The following PAN3 variants were observed in gnomAD, a reference collection of about 807,000 sequenced individuals.
PAN3 encodes PAN2-PAN3 deadenylation complex subunit PAN3.
A neutral mutation model predicts 96.2 loss-of-function variants in PAN3; 19 were observed. That is an observed-to-expected ratio of 0.20 (90% CI 0.14 to 0.29). The LOEUF (loss-of-function observed/expected upper bound fraction) is 0.29, where lower values mean the gene tolerates loss of function less well. Ranked by LOEUF, PAN3 falls within the 10% of genes least tolerant of loss-of-function variation. The pLI is 1.00. For missense variants in PAN3, 882 were observed against 1,108.1 expected, an observed-to-expected ratio of 0.80 and a Z score of 2.90; for synonymous variants, 433 against 406.6, an observed-to-expected ratio of 1.06 and a Z score of -0.78.
chr13:28,144,290 C>T (rs1484404576), intron 1 of PAN3, among the ~76,000 whole-genome samples: 1 of 146,582 alleles, frequency 6.8e-6, no homozygotes, highest in Non-Finnish European at 1.5e-5. Context: ...AGTCTCGGCT[C>T]ACTGCGAGCT....
intron 3 of PAN3, 73 bp from the exon 4 acceptor site, chr13:28,177,792 C>G (rs1875229705): frequency 8.2e-7 from 1 of 1,224,796 alleles, no homozygotes; most frequent in Non-Finnish European, 1.2e-6. Context: ...TAGGCATTGT[C>G]AAATTAAACA....
chr13:28,197,472 T>A lies in PAN3; in HGVS notation c.852+126T>A, dbSNP rs188886833. The A allele has an allele frequency of 1.5e-3, 1,302 of 890,468 alleles. 10 individuals are homozygous for A. In the African/African-American group the frequency reaches 0.019, roughly 13 times the overall value. 55.2% of individuals were successfully genotyped at this position (890,468 alleles called of 1,614,324 possible). On this transcript the variant is annotated intron_variant, in intron 5 of 18. Transcript: ENST00000380958. ...TGGTATACTTAGGTAATTAAAAAAA[T>A]TTTTAATCAGAATAAAGTTAGTGAC...
intron 3 of PAN3, among the ~76,000 whole-genome samples, chr13:28,177,141 A>G (rs923459500): frequency 6.6e-6 from 1 of 152,140 alleles, no homozygotes; most frequent in African/African-American, 2.4e-5. Context: ...AGAAATGAAG[A>G]TAAATATTTA....
At position 28,142,978 on chromosome 13, in the gene PAN3, G is replaced by T. The variant is rs77407339; in HGVS notation, c.430+3891G>T. The stretch of plus-strand genomic sequence containing the variant: ...GATAGTGTTAAAACCTTGGAGGTGG[G>T]TGCATGAGAAAACTTTATCTTTATT... On this transcript the variant is annotated intron_variant, in intron 1 of 18. Transcript: ENST00000380958. 8.4e-3 allele frequency among the ~76,000 whole-genome samples: 1,279 copies of T among 152,292 alleles called. 10 individuals are homozygous for T. The highest frequency in any genetic ancestry group is 0.031 in the East Asian group (161 of 5,186).
chr13:28,279,453 A>G (rs539796214), intron 15 of PAN3, among the ~76,000 whole-genome samples: 1 of 152,274 alleles, frequency 6.6e-6, no homozygotes, highest in Admixed American at 6.5e-5. Flanking sequence ...CTCTCAAAAA[A>G]GTTTCTAAAA....
rs557843059 is a variant in PAN3 at position 28,145,525 on chromosome 13, C to G, written c.430+6438C>G. 5.3e-5 allele frequency among the ~76,000 whole-genome samples: 8 copies of G among 152,152 alleles called. No individual in the cohort carries two copies. The South Asian group carries it at 1.7e-3, about 32-fold the overall frequency. On this transcript the variant is annotated intron_variant, in intron 1 of 18. Transcript: ENST00000380958. ...CCTTTTTAGTAGAGACAGGGTTTCA[C>G]CATGTTGGCCAGGCGGGTCTCAAAC...
chr13:28,148,290 T>C (rs1279472313), intron 1 of PAN3, among the ~76,000 whole-genome samples: 2 of 152,020 alleles, frequency 1.3e-5, no homozygotes, highest in Non-Finnish European at 2.9e-5. Flanking sequence ...TTTGTATATA[T>C]ATATTTTTTA....
intron 1 of PAN3, among the ~76,000 whole-genome samples, chr13:28,141,741 G>A (rs1869876680): frequency 6.6e-6 from 1 of 152,030 alleles, no homozygotes; most frequent in African/African-American, 2.4e-5. Context: ...ATTACTGGCG[G>A]GAGCCACCGC....
chr13:28,217,062 C>T (rs1481549587), intron 5 of PAN3, among the ~76,000 whole-genome samples: 3 of 150,326 alleles, frequency 2.0e-5, no homozygotes, highest in Non-Finnish European at 3.0e-5. Context: ...TGCAGTGAGC[C>T]GAGATCACGC....
intron 4 of PAN3, among the ~76,000 whole-genome samples, chr13:28,186,137 G>A: frequency 6.6e-6 from 1 of 152,080 alleles, no homozygotes; most frequent in East Asian, 1.9e-4. Context: ...TTTGAATGAA[G>A]TCTTTATCAG....
rs1885718288 is a variant in PAN3 at position 28,261,517 on chromosome 13, G to T, written c.1411+59G>T. 4.1e-6 allele frequency: 6 copies of T among 1,475,090 alleles called. No homozygotes were observed. The Admixed American group carries it at 5.3e-5, about 13-fold the overall frequency. The allele number at this position is 1,475,090 out of a possible 1,614,324, so 91.4% of individuals were successfully genotyped here. A position where few individuals can be genotyped will look rare whatever the true frequency, so the allele number is the denominator to read the frequency against. ...AGGCTGTTATAATTCTTACGTGGTA[G>T]TACATGTTTTATGCATTATTAAGAA... On this transcript the variant is annotated intron_variant, in intron 9 of 18. Transcript: ENST00000380958.
intron 6 of PAN3, among the ~76,000 whole-genome samples, chr13:28,221,496 T>C (rs1344454429): frequency 6.6e-6 from 1 of 152,156 alleles, no homozygotes; most frequent in East Asian, 1.9e-4. Context: ...TATATCTAAT[T>C]CAAGGACCTC....
intron 5 of PAN3, among the ~76,000 whole-genome samples, chr13:28,217,379 T>C (rs996577273): frequency 8.6e-5 from 13 of 152,040 alleles, no homozygotes; most frequent in Admixed American, 6.6e-5. Flanking sequence ...GCCAGGAGTT[T>C]GAGACCAACT....
At chr13:28,148,363 G>T (rs1277103842) in intron 1 of PAN3, among the ~76,000 whole-genome samples, 1 of 152,022 alleles carries the variant, frequency 6.6e-6, no homozygotes, top group Non-Finnish European at 1.5e-5. Flanking sequence ...GCTCGCTGCA[G>T]CGTTGAACTC....
chr13:28,290,213 A>T (rs534651119), intron 18 of PAN3, among the ~76,000 whole-genome samples: 10 of 152,352 alleles, frequency 6.6e-5, no homozygotes, highest in Admixed American at 2.0e-4. Flanking sequence ...AAACTTTCCT[A>T]AATTATAAGT....
At chr13:28,214,017 TTG>T (rs1880413973) in intron 5 of PAN3, among the ~76,000 whole-genome samples, 1 of 152,068 alleles carries the variant, frequency 6.6e-6, no homozygotes, top group Non-Finnish European at 1.5e-5. Context: ...GGAGTATCGC[TTG>T]AGTGGCTGTA....
intron 6 of PAN3, among the ~76,000 whole-genome samples, chr13:28,233,411 C>T (rs1384510882): frequency 6.6e-6 from 1 of 151,696 alleles, no homozygotes; most frequent in African/African-American, 2.4e-5. Flanking sequence ...GGATTACAGG[C>T]GTGTACCACC....
chr13:28,283,189 C>T (rs1308277205), intron 17 of PAN3, among the ~76,000 whole-genome samples: 1 of 152,042 alleles, frequency 6.6e-6, no homozygotes, highest in Non-Finnish European at 1.5e-5. Context: ...GCTGGGATTA[C>T]AGGCGCATGC....
chr13:28,232,232 CTG>C (rs1882647676), intron 6 of PAN3, among the ~76,000 whole-genome samples: 1 of 152,132 alleles, frequency 6.6e-6, no homozygotes, highest in South Asian at 2.1e-4. Context: ...CAAGAAGTGA[CTG>C]TTGTTAAGAT....
Sources: allele counts gnomAD v4.1 joint callset (sites outside exome capture counted in the v4.1 genomes callset), GRCh38; gene constraint gnomAD v4.1.1; transcripts MANE v1.5; gene names NCBI Gene and HGNC (gene_info 2026-07-23, HGNC 2026-07-21).